PARVB: variants seen among roughly 807,000 people sequenced by gnomAD.
PARVB encodes beta-parvin.
A neutral mutation model predicts 47.0 loss-of-function variants in PARVB; 46 were observed. The observed-to-expected ratio is 0.98, with a 90% CI of 0.77 to 1.25. The LOEUF (loss-of-function observed/expected upper bound fraction) is 1.25, where lower values mean the gene tolerates loss of function less well. Among genes scored for constraint, PARVB ranks in the 50% most tolerant of loss-of-function variants. The probability of loss-of-function intolerance (pLI) is 0.00; values close to 1 mark genes in which losing one functional copy is unlikely to be tolerated. For synonymous variants in PARVB, 196 were observed against 196.3 expected (o/e 1.00, Z 0.01); for missense variants, 473 against 471.6 (o/e 1.00, Z -0.03).
At chr22:44,100,311 C>T (rs997248075) in intron 3 of PARVB, among the ~76,000 whole-genome samples, 188 bp downstream of exon 3, 1 of 152,126 alleles carries the variant, frequency 6.6e-6, no homozygotes, top group Non-Finnish European at 1.5e-5. Flanking sequence ...AAGTGCCAAG[C>T]GCCTCCCATG....
chr22:44,113,257 C>A (rs1487234007), intron 3 of PARVB: 1 of 107,998 alleles, frequency 9.3e-6, no homozygotes, highest in Admixed American at 8.7e-5. Context: ...TAAGGCCCTG[C>A]ACCAACACAG....
At chr22:44,032,074 C>T (rs1447268433) in intron 1 of PARVB, among the ~76,000 whole-genome samples, 3 of 152,152 alleles carry the variant, frequency 2.0e-5, no homozygotes, top group Non-Finnish European at 2.9e-5. Context: ...TATAAGCATA[C>T]GTTGGCCCAA....
intron 4 of PARVB, among the ~76,000 whole-genome samples, chr22:44,128,700 G>A (rs755315951): frequency 6.6e-6 from 1 of 152,242 alleles, no homozygotes; most frequent in African/African-American, 2.4e-5. Context: ...CCCACTAGGA[G>A]AGATGGGTAG....
At chr22:44,045,219 A>C (rs530378052) in intron 1 of PARVB, among the ~76,000 whole-genome samples, 3 of 152,270 alleles carry the variant, frequency 2.0e-5, no homozygotes, top group African/African-American at 7.2e-5. Context: ...GCACCACTGC[A>C]CTCCAGCCTG....
At chr22:44,036,703 C>T (rs565823493) in intron 1 of PARVB, among the ~76,000 whole-genome samples, 34 of 152,256 alleles carry the variant, frequency 2.2e-4, no homozygotes, top group African/African-American at 7.7e-4. Context: ...TGCGTTGGCT[C>T]ATGCCTGTAA....
At position 44,155,875 on chromosome 22, in the gene PARVB, A is replaced by G. The variant is rs77120395; in HGVS notation, c.844-2107A>G. Among the ~76,000 whole-genome samples, 12,979 of 152,204 alleles carry G rather than the reference A, an allele frequency of 0.085. 795 individuals are homozygous for G. Among genetic ancestry groups the G allele is most frequent in the South Asian group, 0.28 (1,345 of 4,826 alleles). On this transcript the variant is annotated intron_variant, in intron 10 of 12. Transcript: ENST00000338758. The surrounding 1 kb of genome is among the most constrained non-coding windows in gnomAD (Gnocchi z 4.8). ...TCAACTGACAGCGTGTTGAATTTCC[A>G]GGCGCAGTGGCTCATGCCTGCAATC...
At position 44,066,074 on chromosome 22, in the gene PARVB, G is replaced by A. The variant is rs185936927; in HGVS notation, c.113-27854G>A. On this transcript the variant is annotated intron_variant, in intron 1 of 12. Coordinates refer to ENST00000338758, the MANE Select transcript of PARVB (RefSeq NM_013327.5). Reference sequence around the variant, plus strand: ...GAAGCCTTGCTCTTTCTTAAAAGCTGCTAAAAAGGAATGAGAGTGGCGCTA... The same window carrying A: ...GAAGCCTTGCTCTTTCTTAAAAGCTACTAAAAAGGAATGAGAGTGGCGCTA... Among the ~76,000 whole-genome samples the A allele has an allele frequency of 1.2e-4, 18 of 152,298 alleles. No homozygotes were observed. In the East Asian group the frequency reaches 1.4e-3, roughly 11 times the overall value.
At chr22:44,118,896 G>A (rs982331262) in intron 3 of PARVB, 142 bp from the exon 4 acceptor site, 9 of 663,262 alleles carry the variant, frequency 1.4e-5, no homozygotes, top group African/African-American at 1.2e-4. Flanking sequence ...CCCCAGAGCT[G>A]TGCAGCCTCT....
chr22:44,130,812 G>A (rs1046763338), intron 4 of PARVB, among the ~76,000 whole-genome samples: 1 of 152,054 alleles, frequency 6.6e-6, no homozygotes, highest in Non-Finnish European at 1.5e-5. Flanking sequence ...TGTATGCATA[G>A]AATGTTCCCG....
At chr22:44,083,501 T>C (rs1169723159) in intron 1 of PARVB, among the ~76,000 whole-genome samples, 2 of 151,986 alleles carry the variant, frequency 1.3e-5, no homozygotes, top group East Asian at 3.9e-4. Context: ...CGGGGAGCTG[T>C]GGAAACCCAG....
chr22:44,019,915 T>C (rs549863370), upstream of PARVB, among the ~76,000 whole-genome samples: 83 of 152,326 alleles, frequency 5.4e-4, 2 homozygotes, highest in South Asian at 2.7e-3. Flanking sequence ...TCCCCAGTAC[T>C]GTGACTGGGA....
chr22:44,017,889 G>T (rs1037996980), intron 2 of PARVB, among the ~76,000 whole-genome samples: 1 of 152,038 alleles, frequency 6.6e-6, no homozygotes, highest in Admixed American at 6.5e-5. Context: ...TGTCAGGGGG[G>T]CCTTCCAAAG....
chr22:44,063,231 C>CTT lies in PARVB; in HGVS notation c.113-30685_113-30684dup, dbSNP rs71188427. On this transcript the variant is annotated intron_variant, in intron 1 of 12. Transcript: ENST00000338758. ...CCAATATGAATATTTCTTTTCTTTT[C>CTT]TTTTTTTTTTTTTGAGATGGAGTCT... Among the ~76,000 whole-genome samples, 440 of 144,012 alleles carry CTT rather than the reference C, an allele frequency of 3.1e-3. 5 individuals are homozygous for CTT. Among genetic ancestry groups the CTT allele is most frequent in the African/African-American group, 9.8e-3 (385 of 39,178 alleles). 94.5% of individuals were successfully genotyped at this position (144,012 alleles called of 152,430 possible).
At chr22:44,079,931 A>C (rs771435680) in intron 1 of PARVB, among the ~76,000 whole-genome samples, 1 of 152,162 alleles carries the variant, frequency 6.6e-6, no homozygotes, top group Non-Finnish European at 1.5e-5. Context: ...CCTTCTCAAA[A>C]AAAACATTGT....
At chr22:44,045,517 A>G (rs1451542015) in intron 1 of PARVB, among the ~76,000 whole-genome samples, 2 of 152,132 alleles carry the variant, frequency 1.3e-5, no homozygotes. Flanking sequence ...CCAGGCATGC[A>G]GTCATTCATT....
intron 11 of PARVB, among the ~76,000 whole-genome samples, chr22:44,162,579 A>C (rs2744984): frequency 0.44 from 67,568 of 152,072 alleles, 15,606 homozygotes; most frequent in African/African-American, 0.56. Flanking sequence ...CCTCGGCCTC[A>C]CAAAGTGCTG....
At chr22:44,091,691 C>T (rs757731234) in intron 1 of PARVB, among the ~76,000 whole-genome samples, 43 of 152,268 alleles carry the variant, frequency 2.8e-4, no homozygotes, top group Non-Finnish European at 5.4e-4. Flanking sequence ...CCGTTGTATA[C>T]GTGGACTACC....
chr22:44,082,753 A>G, intron 1 of PARVB, among the ~76,000 whole-genome samples: 1 of 151,946 alleles, frequency 6.6e-6, no homozygotes, highest in Non-Finnish European at 1.5e-5. Flanking sequence ...CAAAGGATTC[A>G]TTTTTCTGTG....
intron 1 of PARVB, among the ~76,000 whole-genome samples, chr22:44,063,370 G>C (rs1014775641): frequency 6.6e-6 from 1 of 152,018 alleles, no homozygotes; most frequent in Non-Finnish European, 1.5e-5. Flanking sequence ...GGGACTACAG[G>C]TGTGCACCAT....
Sources: allele counts gnomAD v4.1 joint callset (sites outside exome capture counted in the v4.1 genomes callset), GRCh38; gene constraint gnomAD v4.1.1; non-coding constraint Gnocchi (gnomAD v3.1); transcripts MANE v1.5; gene names NCBI Gene and HGNC (gene_info 2026-07-23, HGNC 2026-07-21).